CATIP: variants seen among roughly 807,000 people sequenced by gnomAD.
CATIP encodes ciliogenesis associated TTC17 interacting protein.
Under a neutral mutation model 42.5 loss-of-function variants are expected in CATIP, and 40 were observed. The observed-to-expected ratio is 0.94, with a 90% confidence interval of 0.73 to 1.22. The LOEUF (loss-of-function observed/expected upper bound fraction) is 1.22. Ranked by LOEUF, CATIP falls within the 50% of genes most tolerant of loss-of-function variation. The pLI, the probability that CATIP is intolerant of heterozygous loss-of-function variation, is 0.00. For synonymous variants in CATIP, 222 were observed against 200.2 expected (o/e 1.11, Z -0.92); for missense variants, 489 against 496.0 (o/e 0.99, Z 0.13).
In CATIP at chr2:218,356,884, C is replaced by T. The variant is rs1419933614; in HGVS notation, c.-1C>T. On this transcript the variant is annotated 5_prime_UTR_variant, in exon 1 of 10. Transcript: ENST00000289388. ...AGACCGGGTAGAGGCAGGCCCACAG[C>T]ATGTCCTCCAAGGTTTACTCCACAG... 12 of 1,614,084 alleles carry T rather than the reference C, an allele frequency of 7.4e-6. No homozygotes were observed. The highest frequency in any genetic ancestry group is 1.0e-5 in the Non-Finnish European group (12 of 1,180,022).
At chr2:218,363,915 C>T (rs62182118) in intron 6 of CATIP, among the ~76,000 whole-genome samples, 13,024 of 152,150 alleles carry the variant, frequency 0.086, 612 homozygotes, top group Non-Finnish European at 0.11. Flanking sequence ...AAAGGGTGTT[C>T]CGTTTTTGTT....
At chr2:218,367,557 C>T in intron 9 of CATIP, 39 bp downstream of exon 9, 1 of 1,607,922 alleles carries the variant, frequency 6.2e-7, no homozygotes, top group African/African-American at 1.3e-5. Context: ...TCCCATTCCC[C>T]CATGGGCCTT....
At chr2:218,365,085 C>A (rs1695381774) in intron 7 of CATIP, among the ~76,000 whole-genome samples, 1 of 152,040 alleles carries the variant, frequency 6.6e-6, no homozygotes, top group Non-Finnish European at 1.5e-5. Context: ...GGCAGGCTGC[C>A]GTGCAGTCTC....
chr2:218,361,947 G>C (rs1040146223), intron 5 of CATIP, among the ~76,000 whole-genome samples: 1 of 151,002 alleles, frequency 6.6e-6, no homozygotes. Context: ...GCAAGAGGCA[G>C]GAGGATAGCT....
intron 4 of CATIP, among the ~76,000 whole-genome samples, chr2:218,358,382 C>T (rs549189202): frequency 1.3e-5 from 2 of 151,530 alleles, no homozygotes; most frequent in African/African-American, 4.8e-5. Flanking sequence ...CCAGCCTGGC[C>T]AACATAGCGA....
chr2:218,357,595 G>A lies in CATIP; in HGVS notation c.180G>A (p.Gly60=), dbSNP rs770061389. The A allele has an allele frequency of 4.3e-5, 69 of 1,613,924 alleles. No individual in the cohort carries two copies. Among genetic ancestry groups the A allele is most frequent in the Non-Finnish European group, 5.4e-5 (64 of 1,179,976 alleles). The change falls in exon 3 of 10, where the codon GGG becomes GGA. Residue 60 remains glycine (G), a synonymous_variant. Coordinates refer to ENST00000289388, the MANE Select transcript of CATIP (RefSeq NM_198559.2). ...SETLAMVSDT[G]EPQGELTIEV... ...CGCTGGCCATGGTCTCAGACACCGG[G>A]GAGCCTCAGGGAGAGCTGACCATTG...
chr2:218,364,360 A>ACCC (rs398091073), intron 6 of CATIP, among the ~76,000 whole-genome samples: 2 of 150,238 alleles, frequency 1.3e-5, no homozygotes, highest in Non-Finnish European at 3.0e-5. Flanking sequence ...CCGCTCCCAC[A>ACCC]CCCCCCCGCA....
At chr2:218,357,486 G>A (rs1163118906) in intron 2 of CATIP, 48 bp from the exon 3 acceptor site, 2 of 1,524,346 alleles carry the variant, frequency 1.3e-6, no homozygotes, top group East Asian at 2.3e-5. Context: ...ATTGGATTGG[G>A]GCCCAGGAGC....
At chr2:218,366,961 A>T in intron 7 of CATIP, 63 bp from the exon 8 acceptor site, 1 of 1,259,336 alleles carries the variant, frequency 7.9e-7, no homozygotes, top group Non-Finnish European at 1.2e-6. Context: ...TTAGAGAGAC[A>T]ATTCAGTCCA....
intron 5 of CATIP, among the ~76,000 whole-genome samples, chr2:218,361,659 T>C (rs1470330452): frequency 1.3e-5 from 2 of 152,174 alleles, no homozygotes; most frequent in Non-Finnish European, 2.9e-5. Context: ...ACAAGGAATT[T>C]CCTTGTGGGC....
At chr2:218,358,490 G>A (rs1032275784) in intron 4 of CATIP, among the ~76,000 whole-genome samples, 5 of 152,098 alleles carry the variant, frequency 3.3e-5, no homozygotes, top group African/African-American at 1.2e-4. Flanking sequence ...GAACCCAGGA[G>A]GCAGAGATTG....
rs1695090936 is a variant in CATIP, at chr2:218,357,876, C to T, written c.319+142C>T. ...AGGCACGGGGTGGGAGAGGGATGAG[C>T]GAGTTCCTCATGGACTCGGGATGAG... On this transcript the variant is annotated intron_variant, in intron 3 of 9. Coordinates refer to ENST00000289388, the MANE Select transcript of CATIP (RefSeq NM_198559.2). The T allele has an allele frequency of 6.5e-6, 7 of 1,082,316 alleles. No individual in the cohort carries two copies. In the Admixed American group the frequency reaches 7.4e-5, roughly 11 times the overall value. The allele number at this position is 1,082,316 out of a possible 1,614,324, so 67.0% of individuals were successfully genotyped here. A position where few individuals can be genotyped will look rare whatever the true frequency, so the allele number is the denominator to read the frequency against.
At position 218,357,598 on chromosome 2, in the gene CATIP, G is replaced by T. The variant is rs977112382; in HGVS notation, c.183G>T (p.Glu61Asp). Residue 61 changes from glutamate to aspartate, a missense_variant, in exon 3 of 10, where the codon GAG (glutamate) becomes GAT (aspartate). Physicochemically the swap from Glu to Asp is conservative, Grantham distance 45. Coordinates refer to ENST00000289388, the MANE Select transcript of CATIP (RefSeq NM_198559.2). ...TGGCCATGGTCTCAGACACCGGGGA[G>T]CCTCAGGGAGAGCTGACCATTGAGG... ...ETLAMVSDTG[E>D]PQGELTIEVQ... The T allele has an allele frequency of 6.2e-7, 1 of 1,614,096 alleles. No homozygotes were observed. The highest frequency in any genetic ancestry group is 8.5e-7 in the Non-Finnish European group (1 of 1,179,994).
intron 9 of CATIP, 31 bp downstream of exon 9, chr2:218,367,549 C>G: frequency 6.2e-7 from 1 of 1,609,808 alleles, no homozygotes; most frequent in Admixed American, 1.7e-5. Context: ...CCTGGGGTTC[C>G]CATTCCCCCA....
chr2:218,357,886 A>T (rs1321514050), intron 3 of CATIP, 151 bp from the exon 4 acceptor site: 1 of 1,069,226 alleles, frequency 9.4e-7, no homozygotes, highest in East Asian at 2.4e-5. Context: ...CGAGTTCCTC[A>T]TGGACTCGGG....
chr2:218,362,060 T>G (rs550782201), intron 5 of CATIP, among the ~76,000 whole-genome samples: 68 of 151,306 alleles, frequency 4.5e-4, no homozygotes, highest in Non-Finnish European at 8.5e-4. Flanking sequence ...AAAAACCATA[T>G]GACCGGCTGA....
chr2:218,362,064 C>T (rs1004684146), intron 5 of CATIP, among the ~76,000 whole-genome samples: 24 of 152,000 alleles, frequency 1.6e-4, no homozygotes, highest in African/African-American at 5.5e-4. Context: ...ACCATATGAC[C>T]GGCTGAAGGC....
intron 2 of CATIP, 24 bp downstream of exon 2, chr2:218,357,211 TGG>T (rs1331476168): frequency 6.4e-7 from 1 of 1,571,746 alleles, no homozygotes; most frequent in South Asian, 1.1e-5. Context: ...GTGTCGGGGT[TGG>T]GGGTGCGGGA....
At chr2:218,364,201 A>C (rs1695339812) in intron 6 of CATIP, among the ~76,000 whole-genome samples, 1 of 152,224 alleles carries the variant, frequency 6.6e-6, no homozygotes, top group African/African-American at 2.4e-5. Context: ...CCATAGCTGC[A>C]GCTACAACAG....
Sources: allele counts gnomAD v4.1 joint callset (sites outside exome capture counted in the v4.1 genomes callset), GRCh38; gene constraint gnomAD v4.1.1; transcripts MANE v1.5; gene names NCBI Gene and HGNC (gene_info 2026-07-23, HGNC 2026-07-21).